Variants in NF1 observed in about 807,000 individuals in gnomAD.
NF1 encodes neurofibromin.
In NF1, 122 loss-of-function variants were observed where a neutral mutation model predicts 325.7. That is an observed-to-expected ratio of 0.37 (90% CI 0.32 to 0.44). The LOEUF is 0.44. Among genes scored for constraint, NF1 ranks in the 20% least tolerant of loss-of-function variants. NF1 has a pLI of 1.00. For missense variants in NF1, 2,140 were observed against 3,415.4 expected (o/e 0.63, Z 9.31); for synonymous variants, 1,091 against 1,186.0 (o/e 0.92, Z 1.65).
At chr17:31,155,852 A>T (rs945912612) in intron 1 of NF1, 131 bp from the exon 2 acceptor site, 1 of 1,003,566 alleles carries the variant, frequency 1.0e-6, no homozygotes, top group Non-Finnish European at 1.5e-6. Context: ...TCGGAGTTTG[A>T]GATGCAAGTA....
chr17:31,163,671 A>G (rs772500120), intron 4 of NF1, among the ~76,000 whole-genome samples: 1 of 152,216 alleles, frequency 6.6e-6, no homozygotes, highest in Non-Finnish European at 1.5e-5. Flanking sequence ...GAGCACTGTT[A>G]TGAATGTGAA....
intron 29 of NF1, among the ~76,000 whole-genome samples, chr17:31,237,797 T>C (rs2067229083): frequency 6.6e-6 from 1 of 151,918 alleles, no homozygotes; most frequent in Non-Finnish European, 1.5e-5. Flanking sequence ...ACTTAGAGAG[T>C]GAACCAGCTG....
At chr17:31,291,065 A>G (rs1402082036) in intron 36 of NF1, among the ~76,000 whole-genome samples, 3 of 152,120 alleles carry the variant, frequency 2.0e-5, no homozygotes, top group Non-Finnish European at 4.4e-5. Flanking sequence ...TGTAGTATTT[A>G]CTTCTTTTTC....
chr17:31,121,526 G>T (rs1199903375), intron 1 of NF1, among the ~76,000 whole-genome samples: 1 of 150,196 alleles, frequency 6.7e-6, no homozygotes, highest in Non-Finnish European at 1.5e-5. Context: ...TCAGCCTCCC[G>T]AGTAGCTGGG....
chr17:31,102,243 C>G (rs1912403712), intron 1 of NF1, among the ~76,000 whole-genome samples: 1 of 152,084 alleles, frequency 6.6e-6, no homozygotes, highest in Non-Finnish European at 1.5e-5. Context: ...GGATTTGTCA[C>G]TTACTGTTAG....
chr17:31,272,603 A>T (rs1411690133), intron 36 of NF1: 1 of 152,130 alleles, frequency 6.6e-6, no homozygotes, highest in Non-Finnish European at 1.5e-5. Flanking sequence ...TCATTCTGGG[A>T]TTGGTGCTCT....
rs57773069 is a variant in NF1, at chr17:31,126,197, GA to G, written c.61-29777del. ...GAGCGACACTTCGTCTAAAAAAAAA[GA>G]AAAAAAAATTATGTATCTGGTGGGT... On this transcript the variant is annotated intron_variant, in intron 1 of 57. Coordinates refer to ENST00000358273, the MANE Select transcript of NF1 (RefSeq NM_001042492.3). Among the ~76,000 whole-genome samples, 1,082 of 150,980 alleles carry G rather than the reference GA, an allele frequency of 7.2e-3. 11 individuals carry two copies. The highest frequency in any genetic ancestry group is 0.024 in the Middle Eastern group (7 of 294).
chr17:31,225,600 T>C (rs1420561567), intron 17 of NF1, among the ~76,000 whole-genome samples: 1 of 152,166 alleles, frequency 6.6e-6, no homozygotes, highest in Non-Finnish European at 1.5e-5. Flanking sequence ...AAGTATAGAA[T>C]TCGTACCGGC....
At chr17:31,235,388 G>A (rs1202347001) in intron 27 of NF1, among the ~76,000 whole-genome samples, 2 of 152,012 alleles carry the variant, frequency 1.3e-5, no homozygotes, top group Non-Finnish European at 1.5e-5. Flanking sequence ...AGCTTTTACC[G>A]GTTAATCCTT....
chr17:31,165,732 T>C (rs113402264), intron 4 of NF1, among the ~76,000 whole-genome samples: 3,697 of 152,276 alleles, frequency 0.024, 153 homozygotes, highest in African/African-American at 0.083. Flanking sequence ...CTCTGTCACC[T>C]AGTCTGGAGT....
intron 11 of NF1, among the ~76,000 whole-genome samples, chr17:31,205,154 T>A (rs1469329125): frequency 6.6e-6 from 1 of 152,134 alleles, no homozygotes; most frequent in African/African-American, 2.4e-5. Flanking sequence ...TGGGTTAAGG[T>A]AATATAACTC....
At chr17:31,221,728 T>C (rs1597706388) in intron 14 of NF1, 122 bp from the exon 15 acceptor site, 6 of 717,776 alleles carry the variant, frequency 8.4e-6, no homozygotes, top group Non-Finnish European at 1.5e-5. Flanking sequence ...TACTATATAT[T>C]GAAACTACAA....
chr17:31,284,527 C>T (rs1016081381), intron 36 of NF1, among the ~76,000 whole-genome samples: 4 of 151,920 alleles, frequency 2.6e-5, no homozygotes, highest in East Asian at 2.0e-4. Flanking sequence ...TGAAGTGATC[C>T]GCCTGCCTCG....
chr17:31,298,823 G>A (rs538029610), intron 36 of NF1, among the ~76,000 whole-genome samples: 64 of 152,178 alleles, frequency 4.2e-4, no homozygotes, highest in African/African-American at 1.5e-3. Context: ...TATATACACT[G>A]CTGCACTTCT....
intron 36 of NF1, chr17:31,314,191 T>C: frequency 2.6e-6 from 1 of 388,666 alleles, no homozygotes; most frequent in Non-Finnish European, 4.5e-6. Flanking sequence ...TATATTACTT[T>C]AACAGAACTT....
intron 8 of NF1, chr17:31,182,892 T>C: frequency 1.7e-6 from 1 of 603,526 alleles, no homozygotes; most frequent in Non-Finnish European, 2.9e-6. Flanking sequence ...TTTAAAATAA[T>C]CCCTTAGTTT....
chr17:31,214,256 C>T (rs1388891429), intron 12 of NF1, among the ~76,000 whole-genome samples, 195 bp from the exon 13 acceptor site: 3 of 151,782 alleles, frequency 2.0e-5, no homozygotes, highest in African/African-American at 4.8e-5. Flanking sequence ...GGTGCAAAAA[C>T]GATTTTCATT....
At chr17:31,117,270 C>T (rs191184596) in intron 1 of NF1, among the ~76,000 whole-genome samples, 21 of 152,134 alleles carry the variant, frequency 1.4e-4, no homozygotes, top group Admixed American at 5.2e-4. Flanking sequence ...TGTGAGCTAC[C>T]GTGCCTGACC....
chr17:31,356,608 T>A (rs370716273), intron 52 of NF1, 26 bp downstream of exon 52: 2 of 1,612,988 alleles, frequency 1.2e-6, no homozygotes, highest in Non-Finnish European at 1.7e-6. Context: ...TTGATCTAGA[T>A]CATTGAAAAT....
Sources: allele counts gnomAD v4.1 joint callset (sites outside exome capture counted in the v4.1 genomes callset), GRCh38; gene constraint gnomAD v4.1.1; transcripts MANE v1.5; gene names NCBI Gene and HGNC (gene_info 2026-07-23, HGNC 2026-07-21).